FMR1: variants seen among roughly 807,000 people sequenced by gnomAD.
FMR1 encodes the protein FMRP translational regulator 1.
In FMR1, 13 loss-of-function variants were observed where a neutral mutation model predicts 50.6. The ratio of observed to expected loss-of-function variants is 0.26; its 90% CI spans 0.17 to 0.41. The LOEUF (loss-of-function observed/expected upper bound fraction) is 0.41. Among genes scored for constraint, FMR1 ranks in the 10% least tolerant of loss-of-function variants. The pLI is 1.00. For synonymous variants in FMR1, 138 were observed against 164.1 expected (o/e 0.84, Z 1.22); for missense variants, 316 against 491.3 (o/e 0.64, Z 3.37).
chrX:147,949,023 T>G lies in FMR1; in HGVS notation c.*179T>G, dbSNP rs2044263228. 1.9e-6 allele frequency: 1 copy of G among 527,760 alleles called. No individual in the cohort carries two copies. The highest frequency in any genetic ancestry group is 2.3e-5 in the African/African-American group (1 of 44,054). The allele number at this position is 527,760 out of a possible 1,213,427, so 43.5% of individuals were successfully genotyped here. A position where few individuals can be genotyped will look rare whatever the true frequency, so the allele number is the denominator to read the frequency against. On this transcript the variant is annotated 3_prime_UTR_variant, in exon 17 of 17. Coordinates refer to ENST00000370475, the MANE Select transcript of FMR1 (RefSeq NM_002024.6). Reference sequence around the variant, plus strand: ...TTGGCCATAAGCAACAATTTTCAGATTTGCACAAAAAGATACCTTAAAATT... The same window carrying G: ...TTGGCCATAAGCAACAATTTTCAGAGTTGCACAAAAAGATACCTTAAAATT...
In FMR1 at chrX:147,944,976, C is replaced by A; in HGVS notation, c.1579C>A (p.Arg527Ser). 1 of 1,205,695 alleles carries A rather than the reference C, an allele frequency of 8.3e-7. No individual in the cohort carries two copies. Among genetic ancestry groups the A allele is most frequent in the Non-Finnish European group, 1.1e-6 (1 of 892,363 alleles). The part of the protein sequence containing the change: ...PTEEERESFL[R>S]RGDGRRRGGG... ...AGAGGAAGAGAGGGAGAGCTTCCTG[C>A]GCAGAGGAGACGGACGGCGGCGTGG... Residue 527 changes from arginine to serine, a missense_variant, in exon 15 of 17, where the codon CGC (arginine) becomes AGC (serine). Arg to Ser is a moderately radical substitution (Grantham distance 110, BLOSUM62 -1). Around this residue, in one of 4 missense-constraint regions of FMR1, gnomAD observed 124 missense variants for 160.8 expected, o/e 0.77. Transcript: ENST00000370475.
chrX:147,922,182 C>T (rs1032220295), intron 2 of FMR1, among the ~76,000 whole-genome samples, 197 bp downstream of exon 2: 13 of 111,653 alleles, frequency 1.2e-4, no homozygotes, highest in African/African-American at 4.2e-4. Flanking sequence ...CCTGGAGGTC[C>T]CTTATTGTAT....
chrX:147,940,912 T>C (rs2043979508), intron 13 of FMR1, among the ~76,000 whole-genome samples: 2 of 112,127 alleles, frequency 1.8e-5, no homozygotes, highest in Admixed American at 1.9e-4. Flanking sequence ...CTTAAACCCT[T>C]ACACTCAGTT....
intron 1 of FMR1, among the ~76,000 whole-genome samples, chrX:147,918,555 C>CTGTTTTTTTTTTTTTTTT (rs2042991520): frequency 2.1e-5 from 1 of 47,277 alleles, no homozygotes; most frequent in African/African-American, 1.1e-4. Context: ...CCTGCAAAAG[C>CTGTTTTTTTTTTTTTTTT]TTTTTTTTTT....
rs36122297 is a variant in FMR1, at chrX:147,932,615, G to GT, written c.801+29dup. ...GGAGAGGTAAATATTTTACTGCATA[G>GT]TTTTTTTTTCCCCAAACAAGTATTT... is the stretch of plus-strand genomic sequence containing the variant. On this transcript the variant is annotated intron_variant, in intron 8 of 16. Transcript: ENST00000370475. The GT allele has an allele frequency of 1.1e-4, 128 of 1,183,431 alleles. No homozygotes were observed. Among genetic ancestry groups the GT allele is most frequent in the South Asian group, 1.8e-4 (10 of 55,985 alleles).
At chrX:147,917,198 C>G (rs1216252025) in intron 1 of FMR1, among the ~76,000 whole-genome samples, 3 of 111,850 alleles carry the variant, frequency 2.7e-5, no homozygotes, top group Non-Finnish European at 5.6e-5. Flanking sequence ...ATAATAGCCT[C>G]TCCTGTGAGC....
intron 9 of FMR1, among the ~76,000 whole-genome samples, chrX:147,934,360 G>A (rs782705792): frequency 1.1e-4 from 12 of 110,753 alleles, no homozygotes; most frequent in Admixed American, 1.9e-4. Context: ...CAATGTGAGC[G>A]TGGGTCACTG....
rs1931666835 is a variant in FMR1 at position 147,912,093 on chromosome X, C to CGGA, written c.-85_-84insAGG. On this transcript the variant is annotated 5_prime_UTR_variant, in exon 1 of 17. Coordinates refer to ENST00000370475, the MANE Select transcript of FMR1 (RefSeq NM_002024.6). ...GCGGCGGCGGCGGAGGCGGCGGCGG[C>CGGA]GGCGGCGGCGGCGGCGGCTGGGCCT... The CGGA allele has an allele frequency of 2.0e-5, 11 of 561,189 alleles. No homozygotes were observed. The highest frequency in any genetic ancestry group is 9.0e-5 in the Admixed American group (1 of 11,171). The allele number at this position is 561,189 out of a possible 1,213,427, so 46.2% of individuals were successfully genotyped here.
At chrX:147,939,623 G>A (rs189064748) in intron 12 of FMR1, among the ~76,000 whole-genome samples, 156 of 110,124 alleles carry the variant, frequency 1.4e-3, no homozygotes, top group African/African-American at 4.8e-3. Flanking sequence ...TCGGCCAGGC[G>A]CGATGGCTCA....
At position 147,945,610 on chromosome X, in the gene FMR1, C is replaced by T. The variant is rs1044251463; in HGVS notation, c.1731C>T (p.Ser577=). 8.4e-6 allele frequency: 10 copies of T among 1,187,192 alleles called. No homozygotes were observed. The Admixed American group carries it at 2.2e-4, about 26-fold the overall frequency. Residue 577 remains serine, a synonymous_variant, in exon 16 of 17, where the codon TCC becomes TCT. Transcript: ENST00000370475. ...CTAAAGGAAGAACAACAGATGGATCCCTTCAGGTAAAACCTGTCTGCCTCT... is the reference window on the plus strand; with the variant it reads ...CTAAAGGAAGAACAACAGATGGATCTCTTCAGGTAAAACCTGTCTGCCTCT... ...REAKGRTTDG[S]LQIRVDCNNE... is the part of the protein sequence containing the mutation.
intron 2 of FMR1, 36 bp downstream of exon 2, chrX:147,922,021 TCTTTAATATTTTATG>T: frequency 1.2e-6 from 1 of 855,665 alleles, no homozygotes; most frequent in Non-Finnish European, 1.7e-6. Context: ...ATGATGAGGT[TCTTTAATATTTTATG>T]CTAATTCTAC....
intron 13 of FMR1, among the ~76,000 whole-genome samples, chrX:147,941,264 T>TA (rs781831393): frequency 5.4e-5 from 6 of 111,826 alleles, no homozygotes; most frequent in African/African-American, 1.3e-4. Flanking sequence ...GCAATTTACT[T>TA]ATAAGACTTC....
intron 1 of FMR1, among the ~76,000 whole-genome samples, chrX:147,917,259 C>T (rs2042918776): frequency 1.8e-5 from 2 of 111,699 alleles, no homozygotes; most frequent in African/African-American, 6.5e-5. Flanking sequence ...TGTGAGGTGT[C>T]GCTGGGGAGA....
rs2044284028 is a variant in FMR1, at chrX:147,950,029, T to C, written c.*1185T>C. On this transcript the variant is annotated 3_prime_UTR_variant, in exon 17 of 17. Transcript: ENST00000370475. ...CGGTTAACAAATAACAACTTTTTTT[T>C]CTTTTTTTCTTTTGTTTTTTGAAGT... is the stretch of plus-strand genomic sequence containing the variant. 1 of 313,331 alleles carries C rather than the reference T, an allele frequency of 3.2e-6. No homozygotes were observed. The highest frequency in any genetic ancestry group is 2.8e-5 in the African/African-American group (1 of 36,268). 25.8% of individuals were successfully genotyped at this position (313,331 alleles called of 1,213,427 possible).
chrX:147,932,370 A>G, intron 7 of FMR1, 55 bp from the exon 8 acceptor site: 1 of 1,093,531 alleles, frequency 9.1e-7, no homozygotes, highest in Non-Finnish European at 1.3e-6. Context: ...TGGCCTAAAT[A>G]CAGTTGTCGT....
At chrX:147,933,659 A>G (rs927886238) in intron 9 of FMR1, 29 of 815,670 alleles carry the variant, frequency 3.6e-5, no homozygotes, top group Middle Eastern at 6.1e-4. Context: ...TATGTTTTTA[A>G]TTTGTAAATA....
chrX:147,950,335 A>G lies in FMR1; in HGVS notation c.*1491A>G. On this transcript the variant is annotated 3_prime_UTR_variant, in exon 17 of 17. Transcript: ENST00000370475. ...ACTGCACATGATTTCACAAATATTA[A>G]AAAGTCTTTTAAAAAGTATTGCCAA... is the stretch of plus-strand genomic sequence containing the variant. 3.0e-6 allele frequency: 1 copy of G among 327,980 alleles called. No individual in the cohort carries two copies. The highest frequency in any genetic ancestry group is 9.7e-5 in the East Asian group (1 of 10,287). The allele number at this position is 327,980 out of a possible 1,213,427, so 27.0% of individuals were successfully genotyped here.
intron 3 of FMR1, 77 bp from the exon 4 acceptor site, chrX:147,928,245 T>G: frequency 1.0e-6 from 1 of 956,404 alleles, no homozygotes; most frequent in Admixed American, 2.3e-5. Context: ...TTAAGAAAAT[T>G]TCCTCGATAT....
intron 11 of FMR1, 81 bp from the exon 12 acceptor site, chrX:147,938,018 C>A: frequency 1.3e-6 from 1 of 743,063 alleles, no homozygotes; most frequent in Non-Finnish European, 2.1e-6. Context: ...AAAAGTCCTG[C>A]AGTGAAAGTC....
Sources: gnomAD v4.1 joint callset for allele counts (sites outside exome capture counted in the v4.1 genomes callset) on GRCh38, gnomAD v4.1.1 for gene constraint, gnomAD v4.1.1 regional missense constraint, MANE v1.5 for transcripts, NCBI Gene and HGNC (gene_info 2026-07-23, HGNC 2026-07-21) for gene names.